The following AGBL1 variants were observed in gnomAD, a reference collection of about 807,000 sequenced individuals.
AGBL1 encodes the protein cytosolic carboxypeptidase 4.
AGBL1 carries 130 observed loss-of-function variants against 118.9 expected under a neutral mutation model. The ratio of observed to expected loss-of-function variants is 1.09; its 90% CI spans 0.95 to 1.26. AGBL1 has a LOEUF of 1.26. Ranked by LOEUF, AGBL1 falls within the 50% of genes most tolerant of loss-of-function variation. The pLI, the probability that AGBL1 is intolerant of heterozygous loss-of-function variation, is 0.00. For missense variants in AGBL1, 1,584 were observed against 1,298.1 expected (o/e 1.22, Z -3.38); for synonymous variants, 555 against 478.9 (o/e 1.16, Z -2.08).
At position 86,907,167 on chromosome 15, in the gene AGBL1, A is replaced by G. The variant is rs1397851476; in HGVS notation, c.3239A>G (p.Asp1080Gly). The change falls in exon 23 of 23, where the codon GAC becomes GGC. Residue 1080 changes from aspartate to glycine, a missense_variant. Asp to Gly is a moderately conservative substitution (Grantham distance 94, BLOSUM62 -1). Transcript: ENST00000614907. Reference protein sequence around the residue: ...ACLEEIDYSTDNSSDQEGSLS... With the variant: ...ACLEEIDYSTGNSSDQEGSLS... ...TTGGAGGAGATTGATTACAGTACCG[A>G]CAACAGCTCAGACCAGGAAGGGAGC... 6.6e-6 allele frequency: 1 copy of G among 152,236 alleles called. No individual in the cohort carries two copies. 9.4% of individuals were successfully genotyped at this position (152,236 alleles called of 1,614,324 possible).
rs148430367 is a variant in AGBL1, at chr15:86,205,501, AG to A, written c.489-19412del. Among the ~76,000 whole-genome samples the A allele has an allele frequency of 4.8e-3, 716 of 150,084 alleles. 9 individuals carry two copies. Among genetic ancestry groups the A allele is most frequent in the African/African-American group, 0.017 (683 of 40,616 alleles). On this transcript the variant is annotated intron_variant, in intron 5 of 22. Coordinates refer to ENST00000614907, the MANE Select transcript of AGBL1 (RefSeq NM_001386094.1). ...CACAATTGCTGGATTGTATAATAAA[AG>A]TTTGTTTAGCTTTGTAAGAAGCTGT...
At chr15:86,263,089 T>C (rs1230628883) in intron 10 of AGBL1, among the ~76,000 whole-genome samples, 195 bp downstream of exon 10, 2 of 152,198 alleles carry the variant, frequency 1.3e-5, no homozygotes, top group Non-Finnish European at 2.9e-5. Flanking sequence ...AAAGTTACGA[T>C]GTATGCAAGA....
At chr15:86,532,812 C>T (rs1461383536) in intron 19 of AGBL1, among the ~76,000 whole-genome samples, 1 of 86,724 alleles carries the variant, frequency 1.2e-5, no homozygotes, top group Non-Finnish European at 2.2e-5. Context: ...CGCCGCTTAC[C>T]TACAACTATC....
chr15:86,522,474 G>A (rs1234290419), intron 18 of AGBL1, among the ~76,000 whole-genome samples: 1 of 152,190 alleles, frequency 6.6e-6, no homozygotes, highest in East Asian at 1.9e-4. Context: ...CTGTAGAACT[G>A]AAGAACGCAT....
chr15:86,462,615 C>T (rs933490204), intron 18 of AGBL1, among the ~76,000 whole-genome samples: 9 of 152,110 alleles, frequency 5.9e-5, no homozygotes, highest in Admixed American at 2.6e-4. Context: ...CCCTGGAGTG[C>T]GATGTTCCCC....
chr15:86,094,940 C>A (rs1274475642), intron 1 of AGBL1, among the ~76,000 whole-genome samples: 1 of 152,156 alleles, frequency 6.6e-6, no homozygotes, highest in Non-Finnish European at 1.5e-5. Context: ...ACTTCAGATG[C>A]CAATCACCTG....
intron 18 of AGBL1, among the ~76,000 whole-genome samples, chr15:86,418,513 A>G (rs975621496): frequency 6.6e-6 from 1 of 152,132 alleles, no homozygotes; most frequent in African/African-American, 2.4e-5. Context: ...AAGAGACCCC[A>G]TATTTCCCTG....
In AGBL1 at chr15:86,776,750, A is replaced by ATATGTG. The variant is rs1466910509; in HGVS notation, c.3158+102315_3158+102316insATGTGT. ...CAATGGCTTAGAATTATATATATAT[A>ATATGTG]TGTGTGTGTGTGTGTGTGTGTGTGT... On this transcript the variant is annotated intron_variant, in intron 22 of 22. Coordinates refer to ENST00000614907, the MANE Select transcript of AGBL1 (RefSeq NM_001386094.1). Among the ~76,000 whole-genome samples the ATATGTG allele has an allele frequency of 5.1e-3, 715 of 139,688 alleles. 1 individual carries two copies. Among genetic ancestry groups the ATATGTG allele is most frequent in the Admixed American group, 0.022 (302 of 13,752 alleles). The allele number at this position is 139,688 out of a possible 152,430, so 91.6% of individuals were successfully genotyped here.
intron 6 of AGBL1, among the ~76,000 whole-genome samples, chr15:86,229,342 C>G (rs1268193992): frequency 1.3e-5 from 2 of 152,072 alleles, no homozygotes; most frequent in African/African-American, 4.8e-5. Flanking sequence ...ACATGTCCTT[C>G]TTCACATGGC....
chr15:86,658,857 G>GT (rs530282485), intron 21 of AGBL1, among the ~76,000 whole-genome samples: 53 of 152,242 alleles, frequency 3.5e-4, no homozygotes, highest in African/African-American at 1.2e-3. Flanking sequence ...CTCCATGTTG[G>GT]TATGTAGAGA....
chr15:86,677,133 G>C (rs2142557952), intron 22 of AGBL1, among the ~76,000 whole-genome samples: 1 of 152,268 alleles, frequency 6.6e-6, no homozygotes, highest in Middle Eastern at 3.4e-3. Flanking sequence ...GCTGCACACT[G>C]TGGACATCAT....
chr15:86,828,264 C>G (rs1366802632), intron 22 of AGBL1, among the ~76,000 whole-genome samples: 3 of 151,842 alleles, frequency 2.0e-5, no homozygotes, highest in African/African-American at 7.3e-5. Flanking sequence ...TTTTTTATGG[C>G]AAATGATTTC....
At chr15:86,467,508 C>T (rs1169884910) in intron 18 of AGBL1, among the ~76,000 whole-genome samples, 25 of 152,176 alleles carry the variant, frequency 1.6e-4, no homozygotes. Flanking sequence ...ATTCCAGGCC[C>T]CACTGGGGTA....
At chr15:86,251,535 C>A (rs1449143264) in intron 7 of AGBL1, among the ~76,000 whole-genome samples, 1 of 152,170 alleles carries the variant, frequency 6.6e-6, no homozygotes, top group African/African-American at 2.4e-5. Flanking sequence ...GAGAATGAGA[C>A]TGACTGTAAA....
At chr15:86,185,411 T>C (rs1238012149) in intron 5 of AGBL1, among the ~76,000 whole-genome samples, 3 of 152,148 alleles carry the variant, frequency 2.0e-5, no homozygotes, top group East Asian at 1.9e-4. Flanking sequence ...ACTGGATATA[T>C]ACCCAAAGGA....
In AGBL1 at chr15:86,604,200, A is replaced by T. The variant is rs78319437; in HGVS notation, c.2994+49663A>T. On this transcript the variant is annotated intron_variant, in intron 21 of 22. Transcript: ENST00000614907. ...AAAAACTCAACAAACAAGCAAAGAAATAAAAATTACAAAGTTGTAATATGA... is the reference window on the plus strand; with the variant it reads ...AAAAACTCAACAAACAAGCAAAGAATTAAAAATTACAAAGTTGTAATATGA... Among the ~76,000 whole-genome samples the T allele has an allele frequency of 3.5e-4, 54 of 152,286 alleles. No individual in the cohort carries two copies. In the East Asian group the frequency reaches 8.9e-3, roughly 25 times the overall value.
Position 86,288,785 on chromosome 15 carries a change from G to A in AGBL1, c.2221-6470G>A, listed in dbSNP as rs190608832. Among the ~76,000 whole-genome samples, 43 of 152,022 alleles carry A rather than the reference G, an allele frequency of 2.8e-4. No individual in the cohort carries two copies. In the East Asian group the frequency reaches 6.9e-3, roughly 25 times the overall value. ...TTATGCCATTGATTTATTCAAGACC[G>A]AGGTGCTGTCTTAAAATCTCCCACT... is the stretch of plus-strand genomic sequence containing the variant. On this transcript the variant is annotated intron_variant, in intron 16 of 22. Transcript: ENST00000614907.
chr15:86,789,547 G>A (rs1305914681), intron 22 of AGBL1, among the ~76,000 whole-genome samples: 1 of 152,142 alleles, frequency 6.6e-6, no homozygotes, highest in Admixed American at 6.5e-5. Context: ...AGGGGGAGGT[G>A]AGTAATGAGC....
chr15:86,400,038 G>C (rs368666127), intron 18 of AGBL1, among the ~76,000 whole-genome samples: 2 of 152,214 alleles, frequency 1.3e-5, no homozygotes, highest in East Asian at 3.9e-4. Context: ...TGCCTGAATG[G>C]ATAATGCCTC....
Sources: gnomAD v4.1 joint callset for allele counts (sites outside exome capture counted in the v4.1 genomes callset) on GRCh38, gnomAD v4.1.1 for gene constraint, MANE v1.5 for transcripts, NCBI Gene and HGNC (gene_info 2026-07-23, HGNC 2026-07-21) for gene names.